The following ZNF608 variants were observed in gnomAD, a reference collection of about 807,000 sequenced individuals.
The protein encoded by ZNF608 is zinc finger protein 608, also known as renal carcinoma antigen NY-REN-36.
A neutral mutation model predicts 109.0 loss-of-function variants in ZNF608; 12 were observed. The observed-to-expected ratio is 0.11, with a 90% confidence interval of 0.07 to 0.18. The LOEUF is 0.18. Ranked by LOEUF, ZNF608 falls within the 10% of genes least tolerant of loss-of-function variation. ZNF608 has a pLI of 1.00. For missense variants in ZNF608, 1,707 were observed against 1,879.3 expected (o/e 0.91, Z 1.70); for synonymous variants, 732 against 717.4 (o/e 1.02, Z -0.33).
intron 2 of ZNF608, among the ~76,000 whole-genome samples, chr5:124,704,308 G>A (rs1006339919): frequency 1.3e-5 from 2 of 152,114 alleles, no homozygotes; most frequent in African/African-American, 4.8e-5. Context: ...TGTAGTATCG[G>A]CTTCTCATGG....
chr5:124,649,530 T>C (rs2149791499), intron 4 of ZNF608, 80 bp downstream of exon 4: 2 of 1,171,524 alleles, frequency 1.7e-6, no homozygotes, highest in Admixed American at 2.2e-5. Context: ...GGCACACTTT[T>C]ATGTATTATG....
intron 2 of ZNF608, among the ~76,000 whole-genome samples, chr5:124,702,076 C>A (rs1753075840): frequency 6.6e-6 from 1 of 152,194 alleles, no homozygotes; most frequent in Non-Finnish European, 1.5e-5. Flanking sequence ...CCCCTTTGCA[C>A]CGCTATCCCC....
chr5:124,721,583 C>A (rs1335184561), intron 2 of ZNF608, among the ~76,000 whole-genome samples: 1 of 152,086 alleles, frequency 6.6e-6, no homozygotes, highest in African/African-American at 2.4e-5. Flanking sequence ...AGTCAGACAA[C>A]ATAACCAAGA....
chr5:124,747,640 G>GC (rs923981485), upstream of ZNF608, among the ~76,000 whole-genome samples: 29 of 59,928 alleles, frequency 4.8e-4, no homozygotes, highest in Admixed American at 1.6e-3. Context: ...TCCTCCCCCC[G>GC]CCCCCCCGCA....
intron 2 of ZNF608, among the ~76,000 whole-genome samples, chr5:124,729,540 A>C (rs976135510): frequency 6.6e-6 from 1 of 151,934 alleles, no homozygotes; most frequent in Non-Finnish European, 1.5e-5. Flanking sequence ...ATTAAAAATT[A>C]CTCCTCTTGT....
intron 2 of ZNF608, among the ~76,000 whole-genome samples, chr5:124,706,809 C>T (rs757580818): frequency 5.3e-5 from 8 of 152,170 alleles, no homozygotes; most frequent in Non-Finnish European, 8.8e-5. Flanking sequence ...CAAGAACAGA[C>T]GCGCGGCAGT....
In ZNF608 at chr5:124,744,228, GC is replaced by G. The variant is rs35775932; in HGVS notation, c.761del (p.Gly254AlafsTer29). 1 of 1,613,820 alleles carries G rather than the reference GC, an allele frequency of 6.2e-7. No individual in the cohort carries two copies. The highest frequency in any genetic ancestry group is 8.5e-7 in the Non-Finnish European group (1 of 1,179,964). ...CAGCGGCGACGCTGCCACTCCCAGT[GC>G]CCCCGCAGTGGAAGGGGCTCGCGCC... ...GGGASPFHCG[G>X]TGSGSVAAAG... On this transcript the variant is annotated frameshift_variant, in exon 2 of 10. Coordinates refer to ENST00000513986, the MANE Select transcript of ZNF608 (RefSeq NM_020747.3). LOFTEE classifies it high-confidence loss of function. This position sits in a 1 kb window ranked among gnomAD's most constrained non-coding sequence, Gnocchi z 4.5.
At chr5:124,691,171 A>T (rs1440774674) in intron 3 of ZNF608, among the ~76,000 whole-genome samples, 1 of 152,070 alleles carries the variant, frequency 6.6e-6, no homozygotes, top group East Asian at 1.9e-4. Flanking sequence ...GCTACCTGGG[A>T]GACTGAGGCA....
intron 3 of ZNF608, among the ~76,000 whole-genome samples, chr5:124,667,441 C>T (rs1351989162): frequency 7.0e-6 from 1 of 142,436 alleles, no homozygotes; most frequent in Non-Finnish European, 1.5e-5. Context: ...ATCCCCTGAA[C>T]ACAGCTTCCT....
At chr5:124,689,872 G>A (rs147552448) in intron 3 of ZNF608, among the ~76,000 whole-genome samples, 149 of 152,218 alleles carry the variant, frequency 9.8e-4, no homozygotes, top group African/African-American at 3.5e-3. Context: ...GCACTCCCTG[G>A]TATTTACCCA....
At position 124,744,243 on chromosome 5, in the gene ZNF608, G is replaced by T. The variant is rs754809883; in HGVS notation, c.747C>A (p.Pro249=). The T allele has an allele frequency of 1.9e-6, 3 of 1,613,602 alleles. No homozygotes were observed. In the Admixed American group the frequency reaches 5.0e-5, roughly 27 times the overall value. Residue 249 remains proline (P), a synonymous_variant, in exon 2 of 10, where the codon CCC becomes CCA. Coordinates refer to ENST00000513986, the MANE Select transcript of ZNF608 (RefSeq NM_020747.3). This position sits in a 1 kb window ranked among gnomAD's most constrained non-coding sequence, Gnocchi z 4.5. The part of the protein sequence containing the change: ...GAKSNGGGAS[P]FHCGGTGSGS... ...CACTCCCAGTGCCCCCGCAGTGGAA[G>T]GGGCTCGCGCCACCTCCATTGCTCT...
At chr5:124,641,689 T>C (rs1750247363) in intron 7 of ZNF608, among the ~76,000 whole-genome samples, 1 of 152,230 alleles carries the variant, frequency 6.6e-6, no homozygotes, top group South Asian at 2.1e-4. Context: ...CATTCATAAT[T>C]GCAGGTTAAG....
chr5:124,665,419 A>G (rs1358621012), intron 3 of ZNF608, among the ~76,000 whole-genome samples: 1 of 152,240 alleles, frequency 6.6e-6, no homozygotes, highest in Non-Finnish European at 1.5e-5. Context: ...CAACAGAGCC[A>G]AAAGAGCTCC....
chr5:124,746,367 C>T lies in ZNF608; in HGVS notation c.-356G>A. ...TCACTCGATAACATTATTCCACCTCCCCACCCCCCTTTTGGCAAACGAATC... is the reference window on the plus strand; with the variant it reads ...TCACTCGATAACATTATTCCACCTCTCCACCCCCCTTTTGGCAAACGAATC... On this transcript the variant is annotated 5_prime_UTR_variant, in exon 1 of 10. Coordinates refer to ENST00000513986, the MANE Select transcript of ZNF608 (RefSeq NM_020747.3). The T allele has an allele frequency of 2.0e-6, 2 of 985,280 alleles. No individual in the cohort carries two copies. Among genetic ancestry groups the T allele is most frequent in the Non-Finnish European group, 2.4e-6 (2 of 829,898 alleles). 61.0% of individuals were successfully genotyped at this position (985,280 alleles called of 1,614,324 possible).
intron 9 of ZNF608, among the ~76,000 whole-genome samples, chr5:124,638,254 GT>G (rs11304171): frequency 0.38 from 55,589 of 145,446 alleles, 10,964 homozygotes; most frequent in East Asian, 0.64. Context: ...CCGGCCAACA[GT>G]TTTTTTTTTT....
At chr5:124,669,754 G>A (rs1347874848) in intron 3 of ZNF608, among the ~76,000 whole-genome samples, 3 of 151,854 alleles carry the variant, frequency 2.0e-5, no homozygotes, top group Admixed American at 6.6e-5. Flanking sequence ...CCCAAAACTC[G>A]CCAGATGATA....
chr5:124,652,328 A>G (rs556346587), intron 3 of ZNF608, among the ~76,000 whole-genome samples: 1 of 152,334 alleles, frequency 6.6e-6, no homozygotes, highest in African/African-American at 2.4e-5. Context: ...TTCAACCTCA[A>G]AGGGCCTAAA....
intron 2 of ZNF608, among the ~76,000 whole-genome samples, chr5:124,703,572 C>G (rs1753141407): frequency 6.6e-6 from 1 of 152,084 alleles, no homozygotes; most frequent in South Asian, 2.1e-4. Flanking sequence ...TGGAGACCAG[C>G]CTGAGCAACA....
In ZNF608 at chr5:124,644,511, C is replaced by T. The variant is rs142307927; in HGVS notation, c.3856G>A (p.Val1286Ile). The T allele has an allele frequency of 2.5e-6, 4 of 1,614,040 alleles. No homozygotes were observed. Among genetic ancestry groups the T allele is most frequent in the Non-Finnish European group, 3.4e-6 (4 of 1,180,032 alleles). Residue 1286 changes from valine to isoleucine, a missense_variant, in exon 6 of 10, where the codon GTA becomes ATA. Physicochemically the swap from Val to Ile is conservative, Grantham distance 29 (BLOSUM62 3). Around this residue, in one of 7 missense-constraint regions of ZNF608, gnomAD observed 1,073 missense variants for 1,133.5 expected, o/e 0.95. Transcript: ENST00000513986. ...TCCTCTTTAATGCTTGTTAACGATA[C>T]AGGAAGGCTGGGCACACCACTCTCT... The part of the protein sequence containing the change: ...NKESGVPSLP[V>I]SLTSIKEEPK...
Sources: gnomAD v4.1 joint callset for allele counts (sites outside exome capture counted in the v4.1 genomes callset) on GRCh38, gnomAD v4.1.1 for gene constraint, gnomAD v4.1.1 regional missense constraint, Gnocchi (gnomAD v3.1) non-coding constraint, MANE v1.5 for transcripts, NCBI Gene and HGNC (gene_info 2026-07-23, HGNC 2026-07-21) for gene names.